DGKB: variants seen among roughly 807,000 people sequenced by gnomAD.
DGKB encodes diacylglycerol kinase beta.
In DGKB, 67 loss-of-function variants were observed where a neutral mutation model predicts 114.3. The observed-to-expected ratio is 0.59, with a 90% CI of 0.48 to 0.72. The LOEUF (loss-of-function observed/expected upper bound fraction) is 0.72. Ranked by LOEUF, DGKB falls within the 30% of genes least tolerant of loss-of-function variation. The pLI, the probability that DGKB is intolerant of heterozygous loss-of-function variation, is 0.00. For missense variants in DGKB, 907 were observed against 975.2 expected (o/e 0.93, Z 0.93); for synonymous variants, 398 against 323.1 (o/e 1.23, Z -2.49).
intron 17 of DGKB, among the ~76,000 whole-genome samples, chr7:14,598,878 C>T (rs1294419389): frequency 6.6e-6 from 1 of 152,106 alleles, no homozygotes; most frequent in Non-Finnish European, 1.5e-5. Flanking sequence ...TTGTCAATAT[C>T]TCCACAGGCA....
chr7:14,882,650 C>T (rs1854415727), intron 1 of DGKB, among the ~76,000 whole-genome samples: 2 of 151,866 alleles, frequency 1.3e-5, no homozygotes, highest in Admixed American at 1.3e-4. Flanking sequence ...TACCCATGTG[C>T]ACAGTTTTTA....
chr7:14,713,860 T>TA (rs1168711345), intron 6 of DGKB, among the ~76,000 whole-genome samples: 4 of 152,068 alleles, frequency 2.6e-5, no homozygotes, highest in Admixed American at 2.0e-4. Context: ...TAAGATAATA[T>TA]AAAAAATTCT....
chr7:14,786,892 A>G (rs746828654), intron 2 of DGKB, among the ~76,000 whole-genome samples: 8 of 152,238 alleles, frequency 5.3e-5, no homozygotes, highest in Non-Finnish European at 1.0e-4. Context: ...AGACTCAGGC[A>G]GATGACGGGG....
At chr7:14,746,729 C>T (rs1352381677) in intron 4 of DGKB, among the ~76,000 whole-genome samples, 1 of 152,158 alleles carries the variant, frequency 6.6e-6, no homozygotes, top group Non-Finnish European at 1.5e-5. Context: ...GAACTCCTAA[C>T]CTCAGGTGAT....
chr7:14,359,642 C>T (rs1355053239), intron 21 of DGKB, among the ~76,000 whole-genome samples: 1 of 152,044 alleles, frequency 6.6e-6, no homozygotes, highest in African/African-American at 2.4e-5. Context: ...ACAACCCCAT[C>T]AAAAAGTGGG....
chr7:14,493,760 T>C (rs1208963497), intron 20 of DGKB, among the ~76,000 whole-genome samples: 3 of 152,054 alleles, frequency 2.0e-5, no homozygotes, highest in African/African-American at 7.2e-5. Context: ...TTGATTAATA[T>C]TTCAGACTAT....
At chr7:14,858,620 T>A (rs1850518647) in intron 1 of DGKB, among the ~76,000 whole-genome samples, 1 of 152,038 alleles carries the variant, frequency 6.6e-6, no homozygotes, top group Non-Finnish European at 1.5e-5. Context: ...GGATTATCAT[T>A]AGGTGGCAGA....
At chr7:14,247,487 C>A (rs73069627) in intron 23 of DGKB, among the ~76,000 whole-genome samples, 1 of 152,016 alleles carries the variant, frequency 6.6e-6, no homozygotes, top group Admixed American at 6.6e-5. Flanking sequence ...AAGTGTTCCC[C>A]TTTCTCCATA....
chr7:14,162,013 A>T (rs1374332160), intron 25 of DGKB, among the ~76,000 whole-genome samples: 2 of 152,210 alleles, frequency 1.3e-5, no homozygotes, highest in Non-Finnish European at 2.9e-5. Flanking sequence ...ACAGTGGACT[A>T]GTTCTGTATT....
chr7:14,159,780 C>T lies in DGKB; in HGVS notation c.2305-10542G>A, dbSNP rs188270022. Among the ~76,000 whole-genome samples, 471 of 152,276 alleles carry T rather than the reference C, an allele frequency of 3.1e-3. 3 individuals carry two copies. The highest frequency in any genetic ancestry group is 4.9e-3 in the Non-Finnish European group (330 of 68,028). On this transcript the variant is annotated intron_variant, in intron 25 of 25. Coordinates refer to ENST00000402815, the MANE Select transcript of DGKB (RefSeq NM_001350709.2). Reference sequence around the variant, plus strand: ...CCCCGTCTCCTGGGTTCAAGTGATTCTTCTGCCTTAGCTTCCTGAGTAGCT... The same window carrying T: ...CCCCGTCTCCTGGGTTCAAGTGATTTTTCTGCCTTAGCTTCCTGAGTAGCT...
At position 14,659,710 on chromosome 7, in the gene DGKB, T is replaced by C. The variant is rs898382648; in HGVS notation, c.1134+13219A>G. Among the ~76,000 whole-genome samples the C allele has an allele frequency of 7.3e-3, 1,083 of 147,506 alleles. 12 individuals carry two copies. Among genetic ancestry groups the C allele is most frequent in the African/African-American group, 0.026 (1,047 of 40,520 alleles). On this transcript the variant is annotated intron_variant, in intron 13 of 25. Coordinates refer to ENST00000402815, the MANE Select transcript of DGKB (RefSeq NM_001350709.2). ...CAATTTGACTTCCTCTTTTCCTAAT[T>C]GAATACCCTTTATTTCCTTCTCCTG...
intron 23 of DGKB, among the ~76,000 whole-genome samples, chr7:14,298,937 A>G (rs561866310): frequency 6.6e-6 from 1 of 152,300 alleles, no homozygotes; most frequent in African/African-American, 2.4e-5. Context: ...CAAACATATG[A>G]AAAAAAGCTC....
At chr7:14,569,248 CT>C (rs1441001510) in intron 20 of DGKB, among the ~76,000 whole-genome samples, 1 of 152,112 alleles carries the variant, frequency 6.6e-6, no homozygotes, top group African/African-American at 2.4e-5. Flanking sequence ...CTTTATCCCC[CT>C]AATCCCCATA....
chr7:14,348,821 T>C (rs933821986), intron 21 of DGKB, among the ~76,000 whole-genome samples: 4 of 151,610 alleles, frequency 2.6e-5, no homozygotes, highest in Non-Finnish European at 4.4e-5. Context: ...GGATAAGTAG[T>C]AGAAGGCAAG....
intron 17 of DGKB, among the ~76,000 whole-genome samples, chr7:14,587,451 C>T (rs10235454): frequency 0.056 from 8,564 of 152,004 alleles, 819 homozygotes; most frequent in African/African-American, 0.19. Context: ...TGAACACTGT[C>T]GAAATGGTAA....
intron 20 of DGKB, among the ~76,000 whole-genome samples, chr7:14,485,148 T>C (rs1296037877): frequency 1.4e-5 from 2 of 146,340 alleles, no homozygotes; most frequent in African/African-American, 5.1e-5. Context: ...TCAGTGGAGA[T>C]ACACACTATC....
At chr7:14,849,591 T>C (rs958123374) in intron 1 of DGKB, among the ~76,000 whole-genome samples, 3 of 152,284 alleles carry the variant, frequency 2.0e-5, no homozygotes, top group Non-Finnish European at 2.9e-5. Flanking sequence ...TTACCCAGTA[T>C]CAGTAATTCT....
In DGKB at chr7:14,693,681, AT is replaced by A. The variant is rs1488528814; in HGVS notation, c.711+393del. 5.3e-5 allele frequency among the ~76,000 whole-genome samples: 8 copies of A among 152,014 alleles called. No homozygotes were observed. In the East Asian group the frequency reaches 5.9e-4, roughly 11 times the overall value. ...CCTCCAAGTATCAGTTTTCAATAAA[AT>A]AGATTACCTTTATAGGTAGGAGGAA... On this transcript the variant is annotated intron_variant, in intron 9 of 25. Transcript: ENST00000402815.
At chr7:14,571,059 A>G (rs1351208898) in intron 20 of DGKB, among the ~76,000 whole-genome samples, 3 of 152,216 alleles carry the variant, frequency 2.0e-5, no homozygotes, top group Admixed American at 1.3e-4. Context: ...TGCTTTAGTC[A>G]TGACAATCAA....
Sources: gnomAD v4.1 joint callset for allele counts (sites outside exome capture counted in the v4.1 genomes callset) on GRCh38, gnomAD v4.1.1 for gene constraint, MANE v1.5 for transcripts, NCBI Gene and HGNC (gene_info 2026-07-23, HGNC 2026-07-21) for gene names.